Variants in UPK3B observed in about 807,000 individuals in gnomAD.
The protein encoded by UPK3B is uroplakin-3b.
A neutral mutation model predicts 27.6 loss-of-function variants in UPK3B; 21 were observed. The observed-to-expected ratio is 0.76, with a 90% confidence interval of 0.54 to 1.10. UPK3B has a LOEUF of 1.10. UPK3B is among the 50% of genes least tolerant of loss of function. UPK3B has a pLI of 0.00. For missense variants in UPK3B, 306 were observed against 376.1 expected (o/e 0.81, Z 1.54); for synonymous variants, 141 against 162.3 (o/e 0.87, Z 1.00).
rs1390561018 is a variant in UPK3B, at chr7:76,514,078, TGAGTGGGG to T, written c.671+3_671+10del. On this transcript the variant is annotated splice_donor_5th_base_variant and intron_variant, in intron 5 of 5. Coordinates refer to ENST00000334348, the MANE Select transcript of UPK3B (RefSeq NM_001347684.2). ...CTTGGCAGCCTCTACCATGCGCTTG[TGAGTGGGG>T]ACACCCCCTCGGGCCCCTCTCCCAC... 6.2e-7 allele frequency: 1 copy of T among 1,613,992 alleles called. No individual in the cohort carries two copies. Among genetic ancestry groups the T allele is most frequent in the Non-Finnish European group, 8.5e-7 (1 of 1,179,908 alleles).
chr7:76,511,606 G>A, intron 2 of UPK3B, 51 bp from the exon 3 acceptor site: 1 of 1,432,948 alleles, frequency 7.0e-7, no homozygotes, highest in Non-Finnish European at 9.5e-7. Flanking sequence ...CACTCATAAG[G>A]ACAAAGCTGC....
intron 4 of UPK3B, 121 bp from the exon 5 acceptor site, chr7:76,513,826 G>A: frequency 1.4e-6 from 2 of 1,477,316 alleles, no homozygotes; most frequent in Non-Finnish European, 1.8e-6. Context: ...GGGCGCCTGG[G>A]GATATGAGAC....
chr7:76,515,306 G>C lies in UPK3B; in HGVS notation c.*102G>C. 4 of 1,526,404 alleles carry C rather than the reference G, an allele frequency of 2.6e-6. No homozygotes were observed. Among genetic ancestry groups the C allele is most frequent in the Non-Finnish European group, 3.5e-6 (4 of 1,133,676 alleles). The allele number at this position is 1,526,404 out of a possible 1,614,324, so 94.6% of individuals were successfully genotyped here. A position where few individuals can be genotyped will look rare whatever the true frequency, so the allele number is the denominator to read the frequency against. ...CCCACAGGCCCCCTCAGGGCTCCTTGCCTTTCCCCCCCACCAGCACACCCC... is the reference window on the plus strand; with the variant it reads ...CCCACAGGCCCCCTCAGGGCTCCTTCCCTTTCCCCCCCACCAGCACACCCC... On this transcript the variant is annotated 3_prime_UTR_variant, in exon 6 of 6. Coordinates refer to ENST00000334348, the MANE Select transcript of UPK3B (RefSeq NM_001347684.2).
rs376925113 is a variant in UPK3B, at chr7:76,515,240, C to T, written c.*36C>T. On this transcript the variant is annotated 3_prime_UTR_variant, in exon 6 of 6. Transcript: ENST00000334348. ...TTGCATGGGGCTGGGGGAGATGGGG[C>T]GCTGGGAGTGAGTGCATGGTGCTTT... The T allele has an allele frequency of 4.4e-6, 7 of 1,581,258 alleles. No individual in the cohort carries two copies. The highest frequency in any genetic ancestry group is 1.2e-5 in the South Asian group (1 of 86,556).
chr7:76,515,341 C>T lies in UPK3B; in HGVS notation c.*137C>T. The T allele has an allele frequency of 2.0e-6, 3 of 1,503,264 alleles. No individual in the cohort carries two copies. Among genetic ancestry groups the T allele is most frequent in the South Asian group, 1.3e-5 (1 of 77,428 alleles). The allele number at this position is 1,503,264 out of a possible 1,614,324, so 93.1% of individuals were successfully genotyped here. On this transcript the variant is annotated 3_prime_UTR_variant, in exon 6 of 6. Transcript: ENST00000334348. Reference sequence around the variant, plus strand: ...CCCACCAGCACACCCCGTACCCTGCCTGGAATCCCAGCACCAGCCCCCCTG... The same window carrying T: ...CCCACCAGCACACCCCGTACCCTGCTTGGAATCCCAGCACCAGCCCCCCTG...
rs1408587414 is a variant in UPK3B, at chr7:76,515,216, T to C, written c.*12T>C. On this transcript the variant is annotated 3_prime_UTR_variant, in exon 6 of 6. Transcript: ENST00000334348. ...GCCTCAGCCCCTAGCCTGGCCTCTTTGCATGGGGCTGGGGGAGATGGGGCG... is the reference window on the plus strand; with the variant it reads ...GCCTCAGCCCCTAGCCTGGCCTCTTCGCATGGGGCTGGGGGAGATGGGGCG... 2.5e-6 allele frequency: 4 copies of C among 1,589,536 alleles called. No homozygotes were observed. Among genetic ancestry groups the C allele is most frequent in the Admixed American group, 1.8e-5 (1 of 56,604 alleles).
Position 76,516,112 on chromosome 7 carries a change from C to T in UPK3B, c.*908C>T. ...TCCCGTCGTCGCCACTCGGGGTCGC[C>T]GGTGAGCCGCAGCCAGGCCGCCTCA... On this transcript the variant is annotated 3_prime_UTR_variant, in exon 6 of 6. Coordinates refer to ENST00000334348, the MANE Select transcript of UPK3B (RefSeq NM_001347684.2). 13 of 611,310 alleles carry T rather than the reference C, an allele frequency of 2.1e-5. 5 individuals carry two copies. Among genetic ancestry groups the T allele is most frequent in the African/African-American group, 9.0e-5 (2 of 22,128 alleles). The allele number at this position is 611,310 out of a possible 1,614,324, so 37.9% of individuals were successfully genotyped here.
intron 2 of UPK3B, 114 bp from the exon 3 acceptor site, chr7:76,511,543 G>T: frequency 1.7e-6 from 2 of 1,149,012 alleles, no homozygotes; most frequent in Admixed American, 2.4e-5. Flanking sequence ...GGGCCCTGAG[G>T]GAGGAGGTGG....
Position 76,510,553 on chromosome 7 carries a change from G to T in UPK3B, c.-100G>T. The T allele has an allele frequency of 8.4e-7, 1 of 1,183,822 alleles. No individual in the cohort carries two copies. Among genetic ancestry groups the T allele is most frequent in the Non-Finnish European group, 1.1e-6 (1 of 904,624 alleles). The allele number at this position is 1,183,822 out of a possible 1,614,324, so 73.3% of individuals were successfully genotyped here. On this transcript the variant is annotated 5_prime_UTR_variant, in exon 1 of 6. Coordinates refer to ENST00000334348, the MANE Select transcript of UPK3B (RefSeq NM_001347684.2). ...GCAGGTCTTTCCAGCCCCTGGGGCA[G>T]CCTGATTAACCAGCTTCTCCAGGGC...
chr7:76,511,377 G>A (rs1436831252), intron 2 of UPK3B, among the ~76,000 whole-genome samples: 2 of 152,262 alleles, frequency 1.3e-5, no homozygotes, highest in African/African-American at 2.4e-5. Context: ...GCCTCCTGTG[G>A]GGCAGGGCCG....
Sources: gnomAD v4.1 joint callset for allele counts (sites outside exome capture counted in the v4.1 genomes callset) on GRCh38, gnomAD v4.1.1 for gene constraint, MANE v1.5 for transcripts, NCBI Gene and HGNC (gene_info 2026-07-23, HGNC 2026-07-21) for gene names.